PHACTR2: variants seen among roughly 807,000 people sequenced by gnomAD.
PHACTR2 encodes the protein chromosome 6 open reading frame 56.
PHACTR2 carries 30 observed loss-of-function variants against 76.0 expected under a neutral mutation model. The observed-to-expected ratio is 0.39, with a 90% CI of 0.30 to 0.54. The LOEUF (loss-of-function observed/expected upper bound fraction) is 0.54, where lower values mean the gene tolerates loss of function less well. PHACTR2 is among the 20% of genes least tolerant of loss of function. PHACTR2 has a pLI of 0.61. For missense variants in PHACTR2, 696 were observed against 781.1 expected, an observed-to-expected ratio of 0.89 and a Z score of 1.30; for synonymous variants, 292 against 292.5, an observed-to-expected ratio of 1.00 and a Z score of 0.02.
chr6:143,605,329 A>G (rs367983915), upstream of PHACTR2, among the ~76,000 whole-genome samples: 4 of 152,216 alleles, frequency 2.6e-5, no homozygotes, highest in East Asian at 1.9e-4. This position sits in a 1 kb window ranked among gnomAD's most constrained non-coding sequence, Gnocchi z 5.0. Flanking sequence ...GGAGAACATT[A>G]GGCTTATCGA....
At chr6:143,736,294 G>C (rs1402920090) in intron 2 of PHACTR2, among the ~76,000 whole-genome samples, 4 of 150,968 alleles carry the variant, frequency 2.6e-5, no homozygotes, top group Middle Eastern at 3.2e-3. Flanking sequence ...GTAAACTAGC[G>C]AGGCACAGAA....
In PHACTR2 at chr6:143,800,371, C is replaced by T. The variant is rs1775926848; in HGVS notation, c.1846-6686C>T. ...CCGCCTCCCAGGGTCACCCTATTCT[C>T]CTGCCTCAGCCTCCTGAGTAGCTGG... On this transcript the variant is annotated intron_variant, in intron 11 of 12. Coordinates refer to ENST00000440869, the MANE Select transcript of PHACTR2 (RefSeq NM_001100164.2). This position sits in a 1 kb window ranked among gnomAD's most constrained non-coding sequence, Gnocchi z 4.8. 6.6e-6 allele frequency among the ~76,000 whole-genome samples: 1 copy of T among 152,156 alleles called. No individual in the cohort carries two copies. The highest frequency in any genetic ancestry group is 2.1e-4 in the South Asian group (1 of 4,830).
chr6:143,653,908 A>G lies in PHACTR2; in HGVS notation c.13+45586A>G, dbSNP rs75742576. 3.6e-3 allele frequency among the ~76,000 whole-genome samples: 555 copies of G among 152,330 alleles called. 4 individuals are homozygous for G. The highest frequency in any genetic ancestry group is 0.013 in the African/African-American group (526 of 41,582). Reference sequence around the variant, plus strand: ...CTAAAAATGTTGTGGCTCAAAGGACACCATCTATAAAGTGAAAAGACTACC... The same window carrying G: ...CTAAAAATGTTGTGGCTCAAAGGACGCCATCTATAAAGTGAAAAGACTACC... On this transcript the variant is annotated intron_variant, in intron 1 of 11. Transcript: ENST00000305766. The surrounding 1 kb of genome is among the most constrained non-coding windows in gnomAD (Gnocchi z 4.9).
At chr6:143,715,324 T>G (rs1000819602) in intron 2 of PHACTR2, among the ~76,000 whole-genome samples, 6 of 152,210 alleles carry the variant, frequency 3.9e-5, no homozygotes, top group African/African-American at 1.4e-4. Flanking sequence ...CTTCTTCTTC[T>G]CATCACCCCT....
In PHACTR2 at chr6:143,777,043, G is replaced by A. The variant is rs879020296; in HGVS notation, c.1590-285G>A. ...CATTGCAGAAACTCAGTCACAGCACGATACCTGGCTTCTAGGGAGGCAGAA... is the reference window on the plus strand; with the variant it reads ...CATTGCAGAAACTCAGTCACAGCACAATACCTGGCTTCTAGGGAGGCAGAA... On this transcript the variant is annotated intron_variant, in intron 8 of 12. Coordinates refer to ENST00000440869, the MANE Select transcript of PHACTR2 (RefSeq NM_001100164.2). The surrounding 1 kb of genome is among the most constrained non-coding windows in gnomAD (Gnocchi z 4.6). Among the ~76,000 whole-genome samples, 4 of 151,968 alleles carry A rather than the reference G, an allele frequency of 2.6e-5. No individual in the cohort carries two copies. The highest frequency in any genetic ancestry group is 2.1e-4 in the South Asian group (1 of 4,796).
Position 143,823,647 on chromosome 6 carries a change from G to T in PHACTR2, c.1923-27G>T. ...TGCAGAATGTGCTCCTAGGCCACAG[G>T]CTTATAGTTTCTATTTCTTACTCCA... On this transcript the variant is annotated intron_variant, in intron 12 of 12. Transcript: ENST00000440869. The surrounding 1 kb of genome is among the most constrained non-coding windows in gnomAD (Gnocchi z 5.7). 1.9e-6 allele frequency: 3 copies of T among 1,605,668 alleles called. No individual in the cohort carries two copies. The South Asian group carries it at 3.3e-5, about 18-fold the overall frequency.
chr6:143,755,331 G>T lies in PHACTR2; in HGVS notation c.454+1419G>T. ...CTGTTGAATTTCAAATCCATCTGTG[G>T]TTTGTCCCTGGCAGCCTTCTCACAT... On this transcript the variant is annotated intron_variant, in intron 4 of 12. Coordinates refer to ENST00000440869, the MANE Select transcript of PHACTR2 (RefSeq NM_001100164.2). This position sits in a 1 kb window ranked among gnomAD's most constrained non-coding sequence, Gnocchi z 5.2. 1 of 456,026 alleles carries T rather than the reference G, an allele frequency of 2.2e-6. No individual in the cohort carries two copies. Among genetic ancestry groups the T allele is most frequent in the Non-Finnish European group, 4.4e-6 (1 of 226,794 alleles). 28.2% of individuals were successfully genotyped at this position (456,026 alleles called of 1,614,324 possible). A position where few individuals can be genotyped will look rare whatever the true frequency, so the allele number is the denominator to read the frequency against.
intron 1 of PHACTR2, among the ~76,000 whole-genome samples, chr6:143,650,437 CA>C (rs1450624799): frequency 6.6e-6 from 1 of 152,078 alleles, no homozygotes; most frequent in Non-Finnish European, 1.5e-5. Context: ...CAACTTCAAA[CA>C]AAACTACAGT....
rs982940376 is a variant in PHACTR2 at position 143,738,053 on chromosome 6, G to A, written c.215-10932G>A. Among the ~76,000 whole-genome samples the A allele has an allele frequency of 1.3e-5, 2 of 152,232 alleles. No homozygotes were observed. The highest frequency in any genetic ancestry group is 4.8e-5 in the African/African-American group (2 of 41,462). ...TTAGACTGGTTATCCCCACCTACCTGAGTTGGTGTTGTTTTAATATGTATT... is the reference window on the plus strand; with the variant it reads ...TTAGACTGGTTATCCCCACCTACCTAAGTTGGTGTTGTTTTAATATGTATT... On this transcript the variant is annotated intron_variant, in intron 2 of 12. Coordinates refer to ENST00000440869, the MANE Select transcript of PHACTR2 (RefSeq NM_001100164.2). This position sits in a 1 kb window ranked among gnomAD's most constrained non-coding sequence, Gnocchi z 4.0.
chr6:143,757,025 G>A lies in PHACTR2; in HGVS notation c.454+3113G>A, dbSNP rs1467472428. ...TCAGGCACCATTGCACTCCAGCCTG[G>A]GTGACAGCCAGTCTCAAAAAAAGAA... On this transcript the variant is annotated intron_variant, in intron 4 of 12. Coordinates refer to ENST00000440869, the MANE Select transcript of PHACTR2 (RefSeq NM_001100164.2). This position sits in a 1 kb window ranked among gnomAD's most constrained non-coding sequence, Gnocchi z 4.2. Among the ~76,000 whole-genome samples the A allele has an allele frequency of 6.6e-6, 1 of 151,918 alleles. No homozygotes were observed. Among genetic ancestry groups the A allele is most frequent in the Non-Finnish European group, 1.5e-5 (1 of 68,006 alleles).
rs56364724 is a variant in PHACTR2, at chr6:143,598,092, G to A, written c.217+60885G>A. 4.0e-5 allele frequency among the ~76,000 whole-genome samples: 6 copies of A among 151,182 alleles called. No individual in the cohort carries two copies. The highest frequency in any genetic ancestry group is 1.2e-4 in the African/African-American group (5 of 41,022). On this transcript the variant is annotated intron_variant, in intron 1 of 11. Coordinates refer to the PHACTR2 transcript ENST00000367584. This position sits in a 1 kb window ranked among gnomAD's most constrained non-coding sequence, Gnocchi z 4.1. Reference sequence around the variant, plus strand: ...TAGTAGGTCGAAGAATGCCCCCCGCGCCCCCAAAAAAGAACCATATCTTAA... The same window carrying A: ...TAGTAGGTCGAAGAATGCCCCCCGCACCCCCAAAAAAGAACCATATCTTAA...
Position 143,548,325 on chromosome 6 carries a change from A to T in PHACTR2, c.217+11118A>T, listed in dbSNP as rs7742027. On this transcript the variant is annotated intron_variant, in intron 1 of 11. Transcript: ENST00000367584. The surrounding 1 kb of genome is among the most constrained non-coding windows in gnomAD (Gnocchi z 4.5). Reference sequence around the variant, plus strand: ...TCATAATACCATCATGTTAGGGGATAGGGTTCTAATGTTTGGATTTTGAAG... The same window carrying T: ...TCATAATACCATCATGTTAGGGGATTGGGTTCTAATGTTTGGATTTTGAAG... Among the ~76,000 whole-genome samples, 3,338 of 152,246 alleles carry T rather than the reference A, an allele frequency of 0.022. 137 individuals are homozygous for T. Among genetic ancestry groups the T allele is most frequent in the African/African-American group, 0.076 (3,168 of 41,538 alleles).
At position 143,764,094 on chromosome 6, in the gene PHACTR2, G is replaced by A. The variant is rs1439034280; in HGVS notation, c.695-1167G>A. ...ATTGAGGGTGCCCTATCCGGAAGTA[G>A]GCAAATATACCATAGCTATCCTTCG... On this transcript the variant is annotated intron_variant, in intron 5 of 12. Coordinates refer to ENST00000440869, the MANE Select transcript of PHACTR2 (RefSeq NM_001100164.2). The surrounding 1 kb of genome is among the most constrained non-coding windows in gnomAD (Gnocchi z 4.7). Among the ~76,000 whole-genome samples, 2 of 152,210 alleles carry A rather than the reference G, an allele frequency of 1.3e-5. No individual in the cohort carries two copies. The highest frequency in any genetic ancestry group is 4.8e-5 in the African/African-American group (2 of 41,442).
intron 1 of PHACTR2, among the ~76,000 whole-genome samples, chr6:143,622,887 A>T (rs1776181746): frequency 6.6e-6 from 1 of 152,186 alleles, no homozygotes; most frequent in South Asian, 2.1e-4. Context: ...CATATACTTT[A>T]AAAAAATGTT....
chr6:143,614,772 C>T (rs548430231), intron 1 of PHACTR2, among the ~76,000 whole-genome samples: 22 of 152,258 alleles, frequency 1.4e-4, no homozygotes, highest in African/African-American at 5.3e-4. Context: ...TAAACATCAC[C>T]ATCAGATGAA....
rs1454880994 is a variant in PHACTR2, at chr6:143,700,623, T to C, written c.47-11393T>C. Among the ~76,000 whole-genome samples the C allele has an allele frequency of 6.6e-6, 1 of 152,256 alleles. No individual in the cohort carries two copies. Among genetic ancestry groups the C allele is most frequent in the African/African-American group, 2.4e-5 (1 of 41,468 alleles). On this transcript the variant is annotated intron_variant, in intron 1 of 12. Transcript: ENST00000440869. This position sits in a 1 kb window ranked among gnomAD's most constrained non-coding sequence, Gnocchi z 4.1. ...TCAGTATATTTTATTTCACAAATTA[T>C]ATATAAGGTCTACCAGCTTCTCCCC...
intron 2 of PHACTR2, among the ~76,000 whole-genome samples, chr6:143,747,010 C>T (rs1037352669): frequency 2.6e-5 from 4 of 152,096 alleles, no homozygotes; most frequent in South Asian, 2.1e-4. Flanking sequence ...CAAAGCTGTT[C>T]GTTGTCATTC....
rs1391332636 is a variant in PHACTR2, at chr6:143,772,489, G to A, written c.1432+32G>A. 6.2e-5 allele frequency: 95 copies of A among 1,523,050 alleles called. No homozygotes were observed. Among genetic ancestry groups the A allele is most frequent in the Middle Eastern group, 1.7e-4 (1 of 5,908 alleles). 94.3% of individuals were successfully genotyped at this position (1,523,050 alleles called of 1,614,324 possible). ...CTGTTTTCAAGAGGCAGGGAGGAGC[G>A]TGGGTGATAAGCAGAAGCAGCTGCA... On this transcript the variant is annotated intron_variant, in intron 7 of 12. Coordinates refer to ENST00000440869, the MANE Select transcript of PHACTR2 (RefSeq NM_001100164.2). The surrounding 1 kb of genome is among the most constrained non-coding windows in gnomAD (Gnocchi z 5.4).
At chr6:143,792,897 A>G (rs2128480571) in intron 11 of PHACTR2, among the ~76,000 whole-genome samples, 1 of 152,326 alleles carries the variant, frequency 6.6e-6, no homozygotes, top group East Asian at 1.9e-4. Context: ...CACTTCCACT[A>G]CGTTCTATTA....
Sources: allele counts gnomAD v4.1 joint callset (sites outside exome capture counted in the v4.1 genomes callset), GRCh38; gene constraint gnomAD v4.1.1; non-coding constraint Gnocchi (gnomAD v3.1); transcripts MANE v1.5; gene names NCBI Gene and HGNC (gene_info 2026-07-23, HGNC 2026-07-21).